The following GATAD2A variants were observed in gnomAD, a reference collection of about 807,000 sequenced individuals.
GATAD2A encodes GATA zinc finger domain containing 2A, also known as transcriptional repressor p66-alpha.
Under a neutral mutation model 68.5 loss-of-function variants are expected in GATAD2A, and 12 were observed. The observed-to-expected ratio is 0.18, with a 90% CI of 0.11 to 0.28. The LOEUF (loss-of-function observed/expected upper bound fraction) is 0.28. Ranked by LOEUF, GATAD2A falls within the 10% of genes least tolerant of loss-of-function variation. The pLI, the probability that GATAD2A is intolerant of heterozygous loss-of-function variation, is 1.00. For synonymous variants in GATAD2A, 410 were observed against 375.3 expected (o/e 1.09, Z -1.07); for missense variants, 755 against 868.5 (o/e 0.87, Z 1.64).
chr19:19,504,882 G>A (rs2060783491), intron 11 of GATAD2A, among the ~76,000 whole-genome samples: 1 of 152,020 alleles, frequency 6.6e-6, no homozygotes, highest in African/African-American at 2.4e-5. Context: ...GCCTCAAGCA[G>A]TCTTCCCACC....
chr19:19,398,656 G>T (rs918070447), intron 1 of GATAD2A, among the ~76,000 whole-genome samples: 1 of 151,764 alleles, frequency 6.6e-6, no homozygotes, highest in Non-Finnish European at 1.5e-5. Context: ...ACTTACTTTC[G>T]GCTGGGTGTG....
At chr19:19,478,824 CA>C (rs913213352) in intron 2 of GATAD2A, among the ~76,000 whole-genome samples, 10 of 144,056 alleles carry the variant, frequency 6.9e-5, no homozygotes, top group East Asian at 2.0e-4. Context: ...AAAAAAAAAA[CA>C]AAAAAAAACC....
chr19:19,480,651 T>G (rs1374537476), intron 2 of GATAD2A, among the ~76,000 whole-genome samples: 1 of 152,036 alleles, frequency 6.6e-6, no homozygotes, highest in South Asian at 2.1e-4. Flanking sequence ...CCGAGGTGAG[T>G]GGCGTCCCCT....
At chr19:19,473,663 C>T (rs2058471379) in intron 2 of GATAD2A, among the ~76,000 whole-genome samples, 1 of 151,624 alleles carries the variant, frequency 6.6e-6, no homozygotes, top group Non-Finnish European at 1.5e-5. Context: ...TTAGGCCAGG[C>T]GCGGTGGCTC....
In GATAD2A at chr19:19,484,904, T is replaced by C. The variant is rs147656664; in HGVS notation, c.270-7402T>C. Among the ~76,000 whole-genome samples the C allele has an allele frequency of 2.1e-3, 321 of 152,316 alleles. 2 individuals carry two copies. Among genetic ancestry groups the C allele is most frequent in the South Asian group, 0.016 (78 of 4,828 alleles). On this transcript the variant is annotated intron_variant, in intron 2 of 11. Transcript: ENST00000683918. ...ACTGGATGAAGCATGAGGAATTGCT[T>C]TCTGGCTTGACTCACTTCACTCCAG...
chr19:19,400,386 G>A (rs779280240), intron 1 of GATAD2A, among the ~76,000 whole-genome samples: 4 of 152,156 alleles, frequency 2.6e-5, no homozygotes, highest in Non-Finnish European at 5.9e-5. Context: ...ACAAACACAC[G>A]TTGACAAAGT....
chr19:19,408,968 G>C (rs2050611122), intron 1 of GATAD2A, among the ~76,000 whole-genome samples: 1 of 150,138 alleles, frequency 6.7e-6, no homozygotes, highest in Non-Finnish European at 1.5e-5. Flanking sequence ...GGATGCCTCT[G>C]AAGAATGTGG....
chr19:19,391,369 A>G (rs1955215789), intron 1 of GATAD2A, among the ~76,000 whole-genome samples: 1 of 152,198 alleles, frequency 6.6e-6, no homozygotes, highest in Non-Finnish European at 1.5e-5. Flanking sequence ...GCACACATAT[A>G]TAGACACACA....
At chr19:19,489,884 C>G (rs1020740957) in intron 2 of GATAD2A, among the ~76,000 whole-genome samples, 4 of 152,224 alleles carry the variant, frequency 2.6e-5, no homozygotes, top group Admixed American at 6.5e-5. Context: ...TGCTGCACCT[C>G]TGTGCTGAAG....
chr19:19,494,575 C>T (rs868026804), intron 5 of GATAD2A, among the ~76,000 whole-genome samples, 192 bp downstream of exon 5: 1 of 152,240 alleles, frequency 6.6e-6, no homozygotes, highest in Admixed American at 6.5e-5. Context: ...CCAAGCCCCA[C>T]GGCCCAAAGT....
At chr19:19,430,370 T>C (rs1489865231) in intron 1 of GATAD2A, among the ~76,000 whole-genome samples, 1 of 152,190 alleles carries the variant, frequency 6.6e-6, no homozygotes. Flanking sequence ...ATTGAAAGTT[T>C]GATGGGACCA....
intron 2 of GATAD2A, among the ~76,000 whole-genome samples, chr19:19,482,163 G>A (rs1372337966): frequency 2.6e-5 from 4 of 152,148 alleles, no homozygotes; most frequent in Admixed American, 1.3e-4. Context: ...CAGCACTTTG[G>A]GAGGCCGAGG....
At chr19:19,447,617 G>A (rs1348867611) in intron 1 of GATAD2A, among the ~76,000 whole-genome samples, 1 of 152,194 alleles carries the variant, frequency 6.6e-6, no homozygotes, top group East Asian at 1.9e-4. Flanking sequence ...ATTGTTTGTG[G>A]GTAGACCCAC....
rs1413116023 is a variant in GATAD2A at position 19,507,978 on chromosome 19, A to G, written c.*2504A>G. 2.0e-5 allele frequency: 3 copies of G among 152,098 alleles called. No homozygotes were observed. The highest frequency in any genetic ancestry group is 7.2e-5 in the African/African-American group (3 of 41,402). 9.4% of individuals were successfully genotyped at this position (152,098 alleles called of 1,614,324 possible). On this transcript the variant is annotated 3_prime_UTR_variant, in exon 12 of 12. Transcript: ENST00000683918. Reference sequence around the variant, plus strand: ...GGGGTTTGGACGCACCAGGATAGCTATTGATTAATGTTAAGGGTGTTCTAC... The same window carrying G: ...GGGGTTTGGACGCACCAGGATAGCTGTTGATTAATGTTAAGGGTGTTCTAC...
chr19:19,415,099 CA>C (rs1206510099), intron 1 of GATAD2A, among the ~76,000 whole-genome samples: 1 of 129,686 alleles, frequency 7.7e-6, no homozygotes, highest in African/African-American at 2.9e-5. Flanking sequence ...CCCCTCCCCC[CA>C]AAAAAACCCC....
chr19:19,421,478 G>A (rs1231454823), intron 1 of GATAD2A, among the ~76,000 whole-genome samples: 2 of 152,170 alleles, frequency 1.3e-5, no homozygotes, highest in African/African-American at 2.4e-5. Flanking sequence ...ACACTTTGTG[G>A]TTGACTTGGG....
At chr19:19,399,435 C>T (rs1024166930) in intron 1 of GATAD2A, among the ~76,000 whole-genome samples, 9 of 152,128 alleles carry the variant, frequency 5.9e-5, no homozygotes, top group African/African-American at 2.2e-4. Flanking sequence ...AAGTGATCTG[C>T]CCGCCTGGGT....
chr19:19,402,847 C>T (rs1011905625), upstream of GATAD2A, among the ~76,000 whole-genome samples: 4 of 144,688 alleles, frequency 2.8e-5, no homozygotes, highest in African/African-American at 1.0e-4. Flanking sequence ...GATCTTGGCT[C>T]ACTGCAACCT....
chr19:19,401,449 G>A (rs976018222), upstream of GATAD2A, among the ~76,000 whole-genome samples: 1 of 151,932 alleles, frequency 6.6e-6, no homozygotes, highest in African/African-American at 2.4e-5. Flanking sequence ...TCCTGATCTC[G>A]TGATCCACCC....
Sources: gnomAD v4.1 joint callset for allele counts (sites outside exome capture counted in the v4.1 genomes callset) on GRCh38, gnomAD v4.1.1 for gene constraint, MANE v1.5 for transcripts, NCBI Gene and HGNC (gene_info 2026-07-23, HGNC 2026-07-21) for gene names.